The following KDM4C variants were observed in gnomAD, a reference collection of about 807,000 sequenced individuals.
KDM4C encodes lysine-specific demethylase 4C.
Under a neutral mutation model 129.3 loss-of-function variants are expected in KDM4C, and 81 were observed. That is an observed-to-expected ratio of 0.63 (90% confidence interval 0.52 to 0.75). The LOEUF (loss-of-function observed/expected upper bound fraction) is 0.75. Among genes scored for constraint, KDM4C ranks in the 30% least tolerant of loss-of-function variants. The pLI is 0.00. For synonymous variants in KDM4C, 573 were observed against 456.1 expected (o/e 1.26, Z -3.26); for missense variants, 1,457 against 1,304.0 (o/e 1.12, Z -1.81).
chr9:6,939,949 T>C (rs17511222), intron 8 of KDM4C, among the ~76,000 whole-genome samples: 38,369 of 149,826 alleles, frequency 0.26, 5,396 homozygotes, highest in South Asian at 0.4. Flanking sequence ...GTGCTTTAAA[T>C]CCAATAACCA....
intron 3 of KDM4C, among the ~76,000 whole-genome samples, chr9:6,808,012 C>T (rs1324335546): frequency 9.4e-5 from 11 of 117,054 alleles, no homozygotes; most frequent in South Asian, 2.8e-4. Flanking sequence ...CCCCCCTGCC[C>T]GGCCAGCCGC....
At chr9:6,921,021 C>T (rs140857974) in intron 8 of KDM4C, among the ~76,000 whole-genome samples, 8 of 152,094 alleles carry the variant, frequency 5.3e-5, no homozygotes, top group Non-Finnish European at 8.8e-5. Context: ...TTTTTTAAAT[C>T]GGCTTTTCTC....
In KDM4C at chr9:6,915,839, G is replaced by T. The variant is rs538341837; in HGVS notation, c.921+22607G>T. Reference sequence around the variant, plus strand: ...TAGTGATGACGTTATCAAGTGTCAGGTTGCAGTTTGCCATCATGGAAGGAC... The same window carrying T: ...TAGTGATGACGTTATCAAGTGTCAGTTTGCAGTTTGCCATCATGGAAGGAC... On this transcript the variant is annotated intron_variant, in intron 8 of 21. Transcript: ENST00000381309. Among the ~76,000 whole-genome samples, 6 of 152,284 alleles carry T rather than the reference G, an allele frequency of 3.9e-5. No individual in the cohort carries two copies. In the East Asian group the frequency reaches 1.2e-3, roughly 29 times the overall value.
At chr9:7,024,598 C>G (rs556784943) in intron 15 of KDM4C, among the ~76,000 whole-genome samples, 1 of 150,932 alleles carries the variant, frequency 6.6e-6, no homozygotes, top group Non-Finnish European at 1.5e-5. Flanking sequence ...GTTTTCTGTT[C>G]TTGCAATACT....
intron 8 of KDM4C, among the ~76,000 whole-genome samples, chr9:6,915,573 A>G (rs1820154994): frequency 6.6e-6 from 1 of 152,194 alleles, no homozygotes; most frequent in Non-Finnish European, 1.5e-5. Flanking sequence ...GCAAAATTTG[A>G]TTATTTTTAA....
chr9:6,994,001 A>G (rs990147277), intron 12 of KDM4C, among the ~76,000 whole-genome samples: 1 of 152,066 alleles, frequency 6.6e-6, no homozygotes, highest in Non-Finnish European at 1.5e-5. Context: ...CTGGTTTTGT[A>G]GAAGACAGTT....
chr9:7,025,603 C>T (rs908317167), intron 15 of KDM4C, among the ~76,000 whole-genome samples: 8 of 151,876 alleles, frequency 5.3e-5, no homozygotes, highest in Non-Finnish European at 1.0e-4. Context: ...AACCACTTAA[C>T]ATTGCATAGG....
intron 5 of KDM4C, among the ~76,000 whole-genome samples, chr9:6,877,899 C>T (rs1843809827): frequency 3.3e-5 from 5 of 152,166 alleles, no homozygotes; most frequent in Non-Finnish European, 2.9e-5. Context: ...GGGTTTTGGG[C>T]TCATTCAGGG....
chr9:6,888,735 T>C (rs1007040366), intron 7 of KDM4C, among the ~76,000 whole-genome samples: 3 of 152,126 alleles, frequency 2.0e-5, no homozygotes, highest in Non-Finnish European at 4.4e-5. Context: ...GATTAAGTAC[T>C]TAGCTGCTTG....
chr9:6,907,051 A>T (rs1397595116), intron 8 of KDM4C, among the ~76,000 whole-genome samples: 1 of 152,242 alleles, frequency 6.6e-6, no homozygotes, highest in Non-Finnish European at 1.5e-5. Flanking sequence ...TACTATTGTG[A>T]AAATATGCTT....
intron 19 of KDM4C, among the ~76,000 whole-genome samples, chr9:7,138,516 G>GA (rs1335891756): frequency 6.6e-6 from 1 of 152,150 alleles, no homozygotes; most frequent in African/African-American, 2.4e-5. Context: ...ATCTGTGCCT[G>GA]AAAAAGATCT....
intron 8 of KDM4C, among the ~76,000 whole-genome samples, chr9:6,897,237 C>T (rs982758147): frequency 2.0e-5 from 3 of 152,150 alleles, no homozygotes; most frequent in East Asian, 3.8e-4. Context: ...TGTAGAAGAT[C>T]TGGGGAAAAT....
chr9:6,844,666 C>T (rs1461277031), intron 4 of KDM4C, among the ~76,000 whole-genome samples: 4 of 152,140 alleles, frequency 2.6e-5, no homozygotes, highest in Admixed American at 6.5e-5. Context: ...CAAAGTTTTT[C>T]GACCTTGGCA....
At chr9:6,890,133 CAAGA>C (rs1845908173) in intron 7 of KDM4C, among the ~76,000 whole-genome samples, 1 of 152,302 alleles carries the variant, frequency 6.6e-6, no homozygotes, top group Non-Finnish European at 1.5e-5. Context: ...CTGTATTCCT[CAAGA>C]ACCACATTTA....
chr9:6,789,711 G>A (rs1405396840), intron 1 of KDM4C, among the ~76,000 whole-genome samples: 1 of 151,854 alleles, frequency 6.6e-6, no homozygotes, highest in African/African-American at 2.4e-5. Flanking sequence ...TATATAGAGT[G>A]AGGCTGCTAT....
intron 1 of KDM4C, among the ~76,000 whole-genome samples, chr9:6,737,664 CAA>C (rs34608889): frequency 0.016 from 776 of 47,384 alleles, 3 homozygotes; most frequent in African/African-American, 0.063. Flanking sequence ...GACTTCATCT[CAA>C]AAAAAAAAAA....
chr9:6,963,424 T>C (rs1439403772), intron 8 of KDM4C, among the ~76,000 whole-genome samples: 2 of 152,208 alleles, frequency 1.3e-5, no homozygotes, highest in African/African-American at 2.4e-5. Flanking sequence ...GAGGCTGACA[T>C]TATGAAATAA....
At chr9:6,776,269 T>G (rs1588183284) in intron 1 of KDM4C, among the ~76,000 whole-genome samples, 1 of 152,208 alleles carries the variant, frequency 6.6e-6, no homozygotes, top group East Asian at 1.9e-4. Flanking sequence ...CAACACATCT[T>G]TCTTTCCTTT....
chr9:7,057,594 C>T (rs78347412), intron 17 of KDM4C, among the ~76,000 whole-genome samples: 1,959 of 152,320 alleles, frequency 0.013, 39 homozygotes, highest in African/African-American at 0.042. Flanking sequence ...ACTCAAAGAA[C>T]GTTAGCAATA....
Sources: gnomAD v4.1 joint callset for allele counts (sites outside exome capture counted in the v4.1 genomes callset) on GRCh38, gnomAD v4.1.1 for gene constraint, MANE v1.5 for transcripts, NCBI Gene and HGNC (gene_info 2026-07-23, HGNC 2026-07-21) for gene names.